Variants in ZNF350 observed in about 807,000 individuals in gnomAD.
The protein encoded by ZNF350 is zinc finger protein 350.
In ZNF350, 5 loss-of-function variants were observed where a neutral mutation model predicts 13.1. That is an observed-to-expected ratio of 0.38 (90% confidence interval 0.20 to 0.80). The LOEUF is 0.80. ZNF350 is among the 30% of genes least tolerant of loss of function. The pLI is 0.43. For missense variants in ZNF350, 534 were observed against 644.2 expected, an observed-to-expected ratio of 0.83 and a Z score of 1.85; for synonymous variants, 199 against 224.2, an observed-to-expected ratio of 0.89 and a Z score of 1.00.
At chr19:51,969,979 G>A (rs781665326) in intron 2 of ZNF350, among the ~76,000 whole-genome samples, 3 of 151,662 alleles carry the variant, frequency 2.0e-5, no homozygotes, top group Non-Finnish European at 4.4e-5. Flanking sequence ...TGCAACCTCC[G>A]CCTCCCAGGA....
chr19:51,981,897 G>C (rs936238512), intron 1 of ZNF350: 3 of 151,974 alleles, frequency 2.0e-5, no homozygotes, highest in Non-Finnish European at 4.4e-5. Context: ...TGACAGAACA[G>C]ACCATCAACA....
At chr19:51,986,610 C>T (rs1187270064) in intron 1 of ZNF350, 160 bp downstream of exon 1, 1 of 152,890 alleles carries the variant, frequency 6.5e-6, no homozygotes, top group Admixed American at 6.5e-5. Context: ...CAGACTCCCA[C>T]CAGGTACCTC....
intron 1 of ZNF350, among the ~76,000 whole-genome samples, chr19:51,979,200 G>T (rs917218305): frequency 6.6e-6 from 1 of 152,164 alleles, no homozygotes; most frequent in South Asian, 2.1e-4. Context: ...GAAACTACTG[G>T]AGTGTCAGGG....
At chr19:51,979,622 C>G (rs1299775826) in intron 1 of ZNF350, among the ~76,000 whole-genome samples, 1 of 152,182 alleles carries the variant, frequency 6.6e-6, no homozygotes, top group Middle Eastern at 3.2e-3. Flanking sequence ...CATTCCCAGT[C>G]CAGTCACCCT....
intron 2 of ZNF350, among the ~76,000 whole-genome samples, chr19:51,971,338 C>T (rs762016560): frequency 6.6e-6 from 1 of 152,202 alleles, no homozygotes; most frequent in Non-Finnish European, 1.5e-5. Flanking sequence ...AAATAGTTTA[C>T]TATATGACAG....
intron 1 of ZNF350, among the ~76,000 whole-genome samples, chr19:51,977,283 A>G (rs567965055): frequency 1.4e-4 from 22 of 152,350 alleles, no homozygotes; most frequent in African/African-American, 5.0e-4. Flanking sequence ...ATGATGGCAT[A>G]CAGAGCCCAT....
chr19:51,980,496 G>A (rs568369399), intron 1 of ZNF350, among the ~76,000 whole-genome samples: 43 of 152,284 alleles, frequency 2.8e-4, no homozygotes, highest in African/African-American at 9.1e-4. Flanking sequence ...CTGACCAAGC[G>A]AGGCTACTTC....
At position 51,976,179 on chromosome 19, in the gene ZNF350, C is replaced by T. The variant is rs950618915; in HGVS notation, c.-171-1648G>A. Among the ~76,000 whole-genome samples the T allele has an allele frequency of 2.0e-5, 3 of 151,752 alleles. No homozygotes were observed. The highest frequency in any genetic ancestry group is 4.4e-5 in the Non-Finnish European group (3 of 68,006). ...CTGGCGCCGTTATCTACTGCGACAT[C>T]TAGAGAATGCAGTCTTGCAAGACTA... is the stretch of plus-strand genomic sequence containing the variant. On this transcript the variant is annotated intron_variant, in intron 1 of 4. Coordinates refer to ENST00000243644, the MANE Select transcript of ZNF350 (RefSeq NM_021632.4). This position sits in a 1 kb window ranked among gnomAD's most constrained non-coding sequence, Gnocchi z 4.5.
At chr19:51,968,429 T>C (rs1016143126) in intron 4 of ZNF350, 149 bp downstream of exon 4, 2 of 686,310 alleles carry the variant, frequency 2.9e-6, no homozygotes, top group Non-Finnish European at 5.1e-6. Flanking sequence ...TAACTCTAAA[T>C]TCCTACAAAG....
chr19:51,973,246 A>G (rs75919042), intron 2 of ZNF350: 19,620 of 152,006 alleles, frequency 0.13, 1,427 homozygotes, highest in South Asian at 0.26. Flanking sequence ...CGCCCAGCCG[A>G]AATTTATTTT....
intron 2 of ZNF350, among the ~76,000 whole-genome samples, chr19:51,970,521 CAGTT>C (rs1340680264): frequency 1.3e-5 from 2 of 152,118 alleles, no homozygotes; most frequent in Admixed American, 1.3e-4. Context: ...TTTCAATCCT[CAGTT>C]GGTTGAATCC....
chr19:51,977,973 C>T (rs532140549), intron 1 of ZNF350, among the ~76,000 whole-genome samples: 3 of 152,256 alleles, frequency 2.0e-5, no homozygotes, highest in South Asian at 2.1e-4. Context: ...AAAGGAATGC[C>T]GCCAGATCTC....
chr19:51,974,243 T>C, intron 2 of ZNF350, 103 bp downstream of exon 2: 1 of 1,346,986 alleles, frequency 7.4e-7, no homozygotes, highest in Non-Finnish European at 1.0e-6. Context: ...GATCCTGCTT[T>C]TTGAAATTTA....
At chr19:51,980,531 A>G (rs562583262) in intron 1 of ZNF350, among the ~76,000 whole-genome samples, 12 of 152,256 alleles carry the variant, frequency 7.9e-5, no homozygotes, top group Admixed American at 2.0e-4. Flanking sequence ...ACTGAGTTAC[A>G]AACTGAAGTG....
intron 2 of ZNF350, among the ~76,000 whole-genome samples, chr19:51,972,213 G>T (rs1019311878): frequency 3.7e-4 from 55 of 149,966 alleles, no homozygotes; most frequent in African/African-American, 1.3e-3. Flanking sequence ...TGTAATCCCA[G>T]CACTTTGGGA....
intron 4 of ZNF350, among the ~76,000 whole-genome samples, chr19:51,966,750 C>T (rs181919250): frequency 1.3e-4 from 20 of 151,478 alleles, no homozygotes; most frequent in Admixed American, 1.1e-3. Flanking sequence ...TGAGTTCAAG[C>T]GATTCTCCTG....
At chr19:51,984,476 C>A (rs748488348) in intron 1 of ZNF350, among the ~76,000 whole-genome samples, 1 of 152,114 alleles carries the variant, frequency 6.6e-6, no homozygotes, top group Non-Finnish European at 1.5e-5. Context: ...TCTATTTAGA[C>A]GGAGTTTATA....
chr19:51,984,915 A>G (rs2086132670), intron 1 of ZNF350, among the ~76,000 whole-genome samples: 1 of 152,182 alleles, frequency 6.6e-6, no homozygotes, highest in Non-Finnish European at 1.5e-5. Context: ...GGCTGACACA[A>G]AAAAAGAGTG....
chr19:51,966,410 A>G lies in ZNF350; in HGVS notation c.239-196T>C, dbSNP rs530294474. ...GGGATTCTCCTGCCTCAGCCTCCCA[A>G]GTTGCTGGGATTACAGGTGCCTGCT... On this transcript the variant is annotated intron_variant, in intron 4 of 4. Transcript: ENST00000243644. Among the ~76,000 whole-genome samples, 9 of 151,380 alleles carry G rather than the reference A, an allele frequency of 5.9e-5. No homozygotes were observed. The South Asian group carries it at 1.3e-3, about 21-fold the overall frequency.
Sources: gnomAD v4.1 joint callset for allele counts (sites outside exome capture counted in the v4.1 genomes callset) on GRCh38, gnomAD v4.1.1 for gene constraint, Gnocchi (gnomAD v3.1) non-coding constraint, MANE v1.5 for transcripts, NCBI Gene and HGNC (gene_info 2026-07-23, HGNC 2026-07-21) for gene names.